GFPT2: variants seen among roughly 807,000 people sequenced by gnomAD.
GFPT2 encodes glutamine--fructose-6-phosphate transaminase 2.
GFPT2 carries 62 observed loss-of-function variants against 85.6 expected under a neutral mutation model. The observed-to-expected ratio is 0.72, with a 90% CI of 0.59 to 0.90. The LOEUF (loss-of-function observed/expected upper bound fraction) is 0.90, where lower values mean the gene tolerates loss of function less well. Ranked by LOEUF, GFPT2 falls within the 40% of genes least tolerant of loss-of-function variation. The probability of loss-of-function intolerance (pLI) is 0.00; values close to 1 mark genes in which losing one functional copy is unlikely to be tolerated. For synonymous variants in GFPT2, 368 were observed against 344.5 expected (o/e 1.07, Z -0.75); for missense variants, 788 against 893.4 (o/e 0.88, Z 1.50).
chr5:180,331,413 C>T (rs1581382901), intron 5 of GFPT2, 82 bp downstream of exon 5: 10 of 837,910 alleles, frequency 1.2e-5, no homozygotes, highest in Middle Eastern at 2.2e-4. Context: ...CACTGGTTTC[C>T]GCAAGGAAAT....
intron 1 of GFPT2, among the ~76,000 whole-genome samples, chr5:180,346,727 T>G (rs1764616697): frequency 6.6e-6 from 1 of 152,184 alleles, no homozygotes; most frequent in African/African-American, 2.4e-5. Flanking sequence ...CTACCCCAGA[T>G]GAAGATCTTT....
At chr5:180,312,645 G>C (rs1763915642) in intron 14 of GFPT2, 101 bp from the exon 15 acceptor site, 1 of 674,662 alleles carries the variant, frequency 1.5e-6, no homozygotes, top group Admixed American at 2.2e-5. Flanking sequence ...CCTGAGTGCA[G>C]TGGCGAGATC....
intron 12 of GFPT2, 77 bp downstream of exon 12, chr5:180,316,687 C>G: frequency 9.2e-7 from 1 of 1,081,464 alleles, no homozygotes; most frequent in Non-Finnish European, 1.4e-6. Context: ...CAGAAGGCCA[C>G]ATGAGTGATA....
chr5:180,353,206 C>T lies in GFPT2; in HGVS notation c.7+5G>A. ...GGAGGCGGCTCGGGCGGGCGCGGCA[C>T]TCACCGCACATCGTGGCTGCTTCTC... On this transcript the variant is annotated splice_donor_5th_base_variant and intron_variant, in intron 1 of 18. Coordinates refer to ENST00000253778, the MANE Select transcript of GFPT2 (RefSeq NM_005110.4). 1 of 1,238,338 alleles carries T rather than the reference C, an allele frequency of 8.1e-7. No individual in the cohort carries two copies. The highest frequency in any genetic ancestry group is 4.1e-5 in the South Asian group (1 of 24,420). 76.7% of individuals were successfully genotyped at this position (1,238,338 alleles called of 1,614,324 possible). A position where few individuals can be genotyped will look rare whatever the true frequency, so the allele number is the denominator to read the frequency against.
chr5:180,313,722 G>T lies in GFPT2; in HGVS notation c.1431+85C>A, dbSNP rs1198327470. The T allele has an allele frequency of 6.6e-6, 8 of 1,207,358 alleles. No individual in the cohort carries two copies. The Admixed American group carries it at 1.7e-4, about 26-fold the overall frequency. The allele number at this position is 1,207,358 out of a possible 1,614,324, so 74.8% of individuals were successfully genotyped here. A position where few individuals can be genotyped will look rare whatever the true frequency, so the allele number is the denominator to read the frequency against. ...AGGGGAAAGAAAGGCGGTGGCGCGG[G>T]CAGAGCAGGCCGGAGGAGGGCGGCC... On this transcript the variant is annotated intron_variant, in intron 14 of 18. Transcript: ENST00000253778.
At chr5:180,320,240 C>T (rs927525669) in intron 9 of GFPT2, among the ~76,000 whole-genome samples, 1 of 152,058 alleles carries the variant, frequency 6.6e-6, no homozygotes, top group African/African-American at 2.4e-5. Flanking sequence ...GATCCGCCCG[C>T]CTCGGCCTCC....
chr5:180,343,639 C>G (rs1764559605), intron 1 of GFPT2, among the ~76,000 whole-genome samples: 1 of 152,276 alleles, frequency 6.6e-6, no homozygotes, highest in South Asian at 2.1e-4. Context: ...CTACTGCACT[C>G]AAGTGAATAA....
intron 10 of GFPT2, among the ~76,000 whole-genome samples, chr5:180,317,758 C>CAA (rs11356791): frequency 8.4e-5 from 7 of 83,168 alleles, no homozygotes; most frequent in East Asian, 3.6e-4. Flanking sequence ...GACTCCGTCT[C>CAA]AAAAAAAAAA....
chr5:180,301,683 G>C lies in GFPT2; in HGVS notation c.2005-75C>G, dbSNP rs376994904. On this transcript the variant is annotated intron_variant, in intron 18 of 18. Transcript: ENST00000253778. Reference sequence around the variant, plus strand: ...TGCTACCTCTCACAGACAATTTTCAGAGTACTTAAAAACAAGAGACAGATG... The same window carrying C: ...TGCTACCTCTCACAGACAATTTTCACAGTACTTAAAAACAAGAGACAGATG... 59 of 1,245,678 alleles carry C rather than the reference G, an allele frequency of 4.7e-5. No individual in the cohort carries two copies. The African/African-American group carries it at 7.8e-4, about 17-fold the overall frequency. 77.2% of individuals were successfully genotyped at this position (1,245,678 alleles called of 1,614,324 possible). A position where few individuals can be genotyped will look rare whatever the true frequency, so the allele number is the denominator to read the frequency against.
chr5:180,352,813 C>T (rs1764742489), intron 1 of GFPT2: 3 of 321,468 alleles, frequency 9.3e-6, no homozygotes, highest in African/African-American at 4.6e-5. Context: ...TCGGGATGCG[C>T]CGGCCTGCGC....
chr5:180,341,530 A>G (rs1224970096), intron 1 of GFPT2, among the ~76,000 whole-genome samples: 1 of 152,262 alleles, frequency 6.6e-6, no homozygotes, highest in Non-Finnish European at 1.5e-5. Flanking sequence ...AAATAGTACT[A>G]TAAATTATAC....
intron 13 of GFPT2, among the ~76,000 whole-genome samples, chr5:180,315,517 T>A (rs1342211916): frequency 6.6e-6 from 1 of 151,968 alleles, no homozygotes; most frequent in East Asian, 1.9e-4. Flanking sequence ...TCATGCAGCC[T>A]GAAGTATTTA....
intron 15 of GFPT2, among the ~76,000 whole-genome samples, chr5:180,312,062 G>A (rs1246047567): frequency 0.032 from 2,902 of 89,706 alleles, 724 homozygotes; most frequent in African/African-American, 0.054. Context: ...AGGGAGGCAG[G>A]GAGGCGGGGA....
At chr5:180,317,274 A>G (rs1764028972) in intron 10 of GFPT2, among the ~76,000 whole-genome samples, 1 of 152,138 alleles carries the variant, frequency 6.6e-6, no homozygotes, top group Admixed American at 6.6e-5. Context: ...TGAGAAAGGG[A>G]GGGATTTGCC....
chr5:180,349,416 A>C (rs1764668351), intron 1 of GFPT2, among the ~76,000 whole-genome samples: 1 of 152,196 alleles, frequency 6.6e-6, no homozygotes, highest in Non-Finnish European at 1.5e-5. Flanking sequence ...TTATAAGCTA[A>C]TTTTGCTAGA....
At chr5:180,313,462 T>C (rs35987549) in intron 14 of GFPT2, among the ~76,000 whole-genome samples, 58,794 of 141,922 alleles carry the variant, frequency 0.41, 13,812 homozygotes, top group East Asian at 0.73. Context: ...GTGGGGCGGG[T>C]GCCTGTAGTC....
At chr5:180,310,210 C>G (rs1214395773) in intron 15 of GFPT2, among the ~76,000 whole-genome samples, 2 of 150,386 alleles carry the variant, frequency 1.3e-5, no homozygotes, top group East Asian at 3.9e-4. Context: ...TCAAGCAATT[C>G]TCCTGCCTCA....
At chr5:180,303,115 A>G (rs1165914454) in intron 17 of GFPT2, among the ~76,000 whole-genome samples, 3 of 145,886 alleles carry the variant, frequency 2.1e-5, no homozygotes, top group South Asian at 4.4e-4. Flanking sequence ...CTGTAGTCCC[A>G]GCTACTGGGG....
intron 5 of GFPT2, chr5:180,331,069 T>C (rs1190867425): frequency 5.5e-6 from 3 of 546,932 alleles, no homozygotes; most frequent in Non-Finnish European, 9.6e-6. Context: ...ATCTGGACAT[T>C]GCAAAATAAC....
Sources: gnomAD v4.1 joint callset for allele counts (sites outside exome capture counted in the v4.1 genomes callset) on GRCh38, gnomAD v4.1.1 for gene constraint, MANE v1.5 for transcripts, NCBI Gene and HGNC (gene_info 2026-07-23, HGNC 2026-07-21) for gene names.